COL5A3: variants seen among roughly 807,000 people sequenced by gnomAD.
The protein encoded by COL5A3 is collagen alpha-3(V) chain.
Under a neutral mutation model 250.0 loss-of-function variants are expected in COL5A3, and 172 were observed. The observed-to-expected ratio is 0.69, with a 90% CI of 0.61 to 0.78. The LOEUF (loss-of-function observed/expected upper bound fraction) is 0.78, where lower values mean the gene tolerates loss of function less well. Ranked by LOEUF, COL5A3 falls within the 30% of genes least tolerant of loss-of-function variation. The pLI is 0.00. For missense variants in COL5A3, 2,340 were observed against 2,334.4 expected (o/e 1.00, Z -0.05); for synonymous variants, 937 against 900.4 (o/e 1.04, Z -0.73).
chr19:9,986,516 C>T, intron 29 of COL5A3, 37 bp downstream of exon 29: 1 of 1,613,002 alleles, frequency 6.2e-7, no homozygotes. Flanking sequence ...CCCGAGCCCC[C>T]AGACCCACAC....
rs748445515 is a variant in COL5A3 at position 9,970,941 on chromosome 19, G to A, written c.3882+34C>T. The A allele has an allele frequency of 9.0e-6, 13 of 1,440,088 alleles. No individual in the cohort carries two copies. The highest frequency in any genetic ancestry group is 2.5e-5 in the East Asian group (1 of 39,466). The allele number at this position is 1,440,088 out of a possible 1,614,324, so 89.2% of individuals were successfully genotyped here. A position where few individuals can be genotyped will look rare whatever the true frequency, so the allele number is the denominator to read the frequency against. On this transcript the variant is annotated intron_variant, in intron 53 of 66. Coordinates refer to ENST00000264828, the MANE Select transcript of COL5A3 (RefSeq NM_015719.4). The stretch of plus-strand genomic sequence containing the variant: ...CTCACTCATTAGCTCCCCAACCCCC[G>A]CCTCAGCACCACACCCTCTGTTTTC...
chr19:10,006,381 G>GT, intron 1 of COL5A3, 150 bp from the exon 2 acceptor site: 1 of 724,182 alleles, frequency 1.4e-6, no homozygotes, highest in South Asian at 2.3e-5. Flanking sequence ...GAAGGAGCCG[G>GT]CCTGGGCCCC....
chr19:9,967,613 CT>C, intron 61 of COL5A3: 2 of 570,078 alleles, frequency 3.5e-6, no homozygotes, highest in Non-Finnish European at 6.0e-6. Flanking sequence ...CACAAATTTT[CT>C]TTTCATGTTT....
At chr19:9,998,257 C>A in intron 8 of COL5A3, 108 bp from the exon 9 acceptor site, 1 of 1,011,252 alleles carries the variant, frequency 9.9e-7, no homozygotes, top group East Asian at 2.5e-5. Context: ...CACACACACA[C>A]GGAGTCCACC....
chr19:9,972,393 T>A (rs1474600205), intron 51 of COL5A3, among the ~76,000 whole-genome samples: 2 of 152,218 alleles, frequency 1.3e-5, no homozygotes, highest in African/African-American at 4.8e-5. Context: ...ATCCACTGAG[T>A]TATTCACTTG....
At chr19:9,970,794 C>A in intron 53 of COL5A3, 119 bp from the exon 54 acceptor site, 1 of 983,708 alleles carries the variant, frequency 1.0e-6, no homozygotes, top group South Asian at 2.1e-5. Context: ...ACCGGGTACT[C>A]CCACCTCCCA....
chr19:9,969,726 C>G (rs1281019884), intron 55 of COL5A3, 44 bp from the exon 56 acceptor site: 2 of 1,582,978 alleles, frequency 1.3e-6, no homozygotes, highest in Admixed American at 1.8e-5. Context: ...TCAGAGGGTT[C>G]CTGCCTCCTG....
rs1484238681 is a variant in COL5A3 at position 10,009,890 on chromosome 19, A to T, written c.88+408T>A. Among the ~76,000 whole-genome samples, 1 of 152,054 alleles carries T rather than the reference A, an allele frequency of 6.6e-6. No homozygotes were observed. The highest frequency in any genetic ancestry group is 2.4e-5 in the African/African-American group (1 of 41,378). On this transcript the variant is annotated intron_variant, in intron 1 of 66. Transcript: ENST00000264828. The surrounding 1 kb of genome is among the most constrained non-coding windows in gnomAD (Gnocchi z 4.4). ...GTTACCCTCGAAAATCAGCACATAG[A>T]CAAGAGCACAAGTGCATACTCACCT...
At chr19:9,970,914 C>G in intron 53 of COL5A3, 61 bp downstream of exon 53, 11 of 1,062,444 alleles carry the variant, frequency 1.0e-5, no homozygotes, top group African/African-American at 1.6e-5. Flanking sequence ...CCCCCCAATT[C>G]ACTCACTCAT....
At chr19:9,985,923 A>G in intron 30 of COL5A3, 28 bp from the exon 31 acceptor site, 1 of 1,611,880 alleles carries the variant, frequency 6.2e-7, no homozygotes, top group Non-Finnish European at 8.5e-7. Context: ...GACAAAGGTC[A>G]GAAATTGCAA....
intron 8 of COL5A3, among the ~76,000 whole-genome samples, chr19:9,999,507 G>A (rs1487689225): frequency 1.6e-5 from 2 of 128,498 alleles, no homozygotes; most frequent in Non-Finnish European, 3.1e-5. Flanking sequence ...TCCCTCTCGC[G>A]CCCAGGCTGA....
rs1240295366 is a variant in COL5A3, at chr19:9,980,795, C to T, written c.2559+11G>A. On this transcript the variant is annotated intron_variant, in intron 34 of 66. Coordinates refer to ENST00000264828, the MANE Select transcript of COL5A3 (RefSeq NM_015719.4). ...GGCATGGGGGGCCTTGATTGCCCAC[C>T]CATCCCATACCTTGGGGCCTGGTTG... 21 of 1,613,126 alleles carry T rather than the reference C, an allele frequency of 1.3e-5. No individual in the cohort carries two copies. Among genetic ancestry groups the T allele is most frequent in the Non-Finnish European group, 1.8e-5 (21 of 1,179,562 alleles).
Position 9,966,613 on chromosome 19 carries a change from C to T in COL5A3, c.4592G>A (p.Arg1531Gln), listed in dbSNP as rs768803819. 1.7e-5 allele frequency: 26 copies of T among 1,539,392 alleles called. No homozygotes were observed. The highest frequency in any genetic ancestry group is 2.1e-5 in the Non-Finnish European group (24 of 1,146,966). The change falls in exon 63 of 67, where the codon CGG becomes CAG. Residue 1531 changes from arginine (R) to glutamine (Q), a missense_variant. By Grantham distance (43) the Arg-to-Gln change is conservative. This residue lies in a region of COL5A3 where 1,179 missense variants were observed against 1,162.6 expected (regional missense o/e 1.01). Transcript: ENST00000264828. ...TSLSLELEQL[R>Q]RPPGTAERPG... ...GCGCTCCGCAGTGCCGGGAGGACGC[C>T]GCAGCTGCTCCAGCTCCAAGCTCAG...
chr19:10,005,138 C>G (rs1029358319), intron 4 of COL5A3, among the ~76,000 whole-genome samples: 1 of 152,166 alleles, frequency 6.6e-6, no homozygotes, highest in African/African-American at 2.4e-5. Flanking sequence ...GGGTGGATCA[C>G]TTGAGGCCAG....
chr19:9,994,585 T>C (rs1047015256), intron 16 of COL5A3, among the ~76,000 whole-genome samples: 4 of 88,070 alleles, frequency 4.5e-5, no homozygotes, highest in African/African-American at 1.8e-4. Flanking sequence ...TATATATATA[T>C]ATATATATAT....
Position 9,968,228 on chromosome 19 carries a change from G to T in COL5A3, c.4315-149C>A. On this transcript the variant is annotated intron_variant, in intron 59 of 66. Transcript: ENST00000264828. This position sits in a 1 kb window ranked among gnomAD's most constrained non-coding sequence, Gnocchi z 4.1. ...CACAGAGAGACCCCAAACCCCAGAC[G>T]CAGCCTCCAACTTGCCAGTTCCCAG... 1 of 977,396 alleles carries T rather than the reference G, an allele frequency of 1.0e-6. No homozygotes were observed. The highest frequency in any genetic ancestry group is 1.5e-6 in the Non-Finnish European group (1 of 655,374). 60.5% of individuals were successfully genotyped at this position (977,396 alleles called of 1,614,324 possible). A position where few individuals can be genotyped will look rare whatever the true frequency, so the allele number is the denominator to read the frequency against.
intron 15 of COL5A3, 100 bp downstream of exon 15, chr19:9,995,966 T>C: frequency 8.5e-7 from 1 of 1,179,360 alleles, no homozygotes; most frequent in Non-Finnish European, 1.2e-6. Context: ...TGCAAGGGTA[T>C]CCCCAGCCCC....
In COL5A3 at chr19:9,996,650, T is replaced by G; in HGVS notation, c.1303A>C (p.Ile435Leu). The G allele has an allele frequency of 1.2e-6, 2 of 1,611,628 alleles. No individual in the cohort carries two copies. Among genetic ancestry groups the G allele is most frequent in the Non-Finnish European group, 1.7e-6 (2 of 1,179,396 alleles). ...ATCACAGTGCCCGGTGGGCCTCGGA[T>G]CCCATCAATGCCGGGGATTCCTGGG... ...GLPGIPGIDG[I>L]RGPPGTVIMM... is the part of the protein sequence containing the mutation. The change falls in exon 12 of 67, where the codon ATC (isoleucine) becomes CTC (leucine). Residue 435 changes from isoleucine to leucine, a missense_variant. Physicochemically the swap from Ile to Leu is conservative, Grantham distance 5. This residue lies in a region of COL5A3 where 1,152 missense variants were observed against 1,146.3 expected (regional missense o/e 1.00). Transcript: ENST00000264828.
intron 24 of COL5A3, among the ~76,000 whole-genome samples, chr19:9,990,410 T>TAAAAAAAAAAAAA (rs2087170075): frequency 8.3e-6 from 1 of 120,566 alleles, no homozygotes; most frequent in African/African-American, 4.1e-5. Flanking sequence ...AAAAAAAAAC[T>TAAAAAAAAAAAAA]AAAATAGTAT....
Sources: gnomAD v4.1 joint callset for allele counts (sites outside exome capture counted in the v4.1 genomes callset) on GRCh38, gnomAD v4.1.1 for gene constraint, gnomAD v4.1.1 regional missense constraint, Gnocchi (gnomAD v3.1) non-coding constraint, MANE v1.5 for transcripts, NCBI Gene and HGNC (gene_info 2026-07-23, HGNC 2026-07-21) for gene names.